The following ODAD1 variants were observed in gnomAD, a reference collection of about 807,000 sequenced individuals.
ODAD1 encodes the protein outer dynein arm docking complex subunit 1, also known as outer dynein arm-docking complex subunit 1.
In ODAD1, 49 loss-of-function variants were observed where a neutral mutation model predicts 67.2. The observed-to-expected ratio is 0.73, with a 90% CI of 0.58 to 0.92. The LOEUF is 0.92. Among genes scored for constraint, ODAD1 ranks in the 40% least tolerant of loss-of-function variants. The pLI is 0.00. For missense variants in ODAD1, 897 were observed against 953.7 expected, an observed-to-expected ratio of 0.94 and a Z score of 0.78; for synonymous variants, 345 against 393.7, an observed-to-expected ratio of 0.88 and a Z score of 1.46.
Position 48,321,674 on chromosome 19 carries a change from G to C in ODAD1, c.-64+4C>G. 1 of 390,726 alleles carries C rather than the reference G, an allele frequency of 2.6e-6. No homozygotes were observed. The highest frequency in any genetic ancestry group is 4.5e-6 in the Non-Finnish European group (1 of 221,132). 24.2% of individuals were successfully genotyped at this position (390,726 alleles called of 1,614,324 possible). A position where few individuals can be genotyped will look rare whatever the true frequency, so the allele number is the denominator to read the frequency against. The stretch of plus-strand genomic sequence containing the variant: ...GGAGGTCGAGGCTGAGGTCTCACTA[G>C]TACCGCGGGCCTGGAAGCGGCGGGA... On this transcript the variant is annotated splice_donor_region_variant and intron_variant, in intron 1 of 15. Transcript: ENST00000674294.
rs1231909280 is a variant in ODAD1 at position 48,315,403 on chromosome 19, G to A, written c.360+2984C>T. Among the ~76,000 whole-genome samples the A allele has an allele frequency of 2.6e-5, 4 of 152,242 alleles. No individual in the cohort carries two copies. The South Asian group carries it at 8.3e-4, about 32-fold the overall frequency. On this transcript the variant is annotated intron_variant, in intron 5 of 15. Coordinates refer to ENST00000674294, the MANE Select transcript of ODAD1 (RefSeq NM_001364171.2). ...CTACTAAAAATACAAAATTAGCCAG[G>A]CATCGTGGCAGGCACCCGTAGTCCC...
At chr19:48,313,006 CAG>C (rs1378265676) in intron 5 of ODAD1, among the ~76,000 whole-genome samples, 7 of 152,178 alleles carry the variant, frequency 4.6e-5, no homozygotes, top group Non-Finnish European at 8.8e-5. Flanking sequence ...CATGAGGACA[CAG>C]AGTCTTGTGT....
rs1168144253 is a variant in ODAD1 at position 48,318,499 on chromosome 19, C to T, written c.248G>A (p.Arg83Gln). 9.7e-6 allele frequency: 15 copies of T among 1,551,640 alleles called. No homozygotes were observed. The highest frequency in any genetic ancestry group is 5.9e-5 in the Admixed American group (3 of 50,974). ...QISAAQNQVK[R>Q]LRDSQRLENM... The stretch of plus-strand genomic sequence containing the variant: ...CTCCAGCCGCTGACTGTCCCGAAGC[C>T]GCTTGACCTGGTTCTGGGCTGCGCT... The change falls in exon 5 of 16, where the codon CGG (arginine) becomes CAG (glutamine). Residue 83 changes from arginine (R) to glutamine (Q), a missense_variant. By Grantham distance (43) the Arg-to-Gln change is conservative (BLOSUM62 1). Coordinates refer to ENST00000674294, the MANE Select transcript of ODAD1 (RefSeq NM_001364171.2).
rs147527014 is a variant in ODAD1 at position 48,297,211 on chromosome 19, G to A, written c.1889C>T (p.Ala630Val). The change falls in exon 16 of 16, where the codon GCC becomes GTC. Residue 630 changes from alanine (A) to valine (V), a missense_variant. Transcript: ENST00000674294. The stretch of plus-strand genomic sequence containing the variant: ...GAAGGTCACGTGGCCCCCACTCGAG[G>A]CACTGGTGGAGCCGAAGGTCACGTG... Reference protein sequence around the residue: ...TGHVTFGSTSASSGGHVTFRP... With the variant: ...TGHVTFGSTSVSSGGHVTFRP... 49 of 1,614,026 alleles carry A rather than the reference G, an allele frequency of 3.0e-5. No individual in the cohort carries two copies. Among genetic ancestry groups the A allele is most frequent in the African/African-American group, 4.0e-5 (3 of 74,940 alleles).
chr19:48,314,858 T>C lies in ODAD1; in HGVS notation c.361-2742A>G, dbSNP rs907609211. The stretch of plus-strand genomic sequence containing the variant: ...CGGGTGGCTGAAGCACGAGAATCAC[T>C]TGAGCCTGGCCTGGGAGGTGGAGGC... On this transcript the variant is annotated intron_variant, in intron 5 of 15. Coordinates refer to ENST00000674294, the MANE Select transcript of ODAD1 (RefSeq NM_001364171.2). Among the ~76,000 whole-genome samples, 41 of 151,832 alleles carry C rather than the reference T, an allele frequency of 2.7e-4. 1 individual carries two copies. The highest frequency in any genetic ancestry group is 9.7e-4 in the African/African-American group (40 of 41,384).
intron 10 of ODAD1, 140 bp downstream of exon 10, chr19:48,303,510 C>T (rs566799494): frequency 2.5e-4 from 256 of 1,021,856 alleles, no homozygotes; most frequent in African/African-American, 2.4e-3. Context: ...TGGACGCGGG[C>T]GGCGGGTCCC....
chr19:48,312,371 A>G (rs1257289987), intron 5 of ODAD1, among the ~76,000 whole-genome samples: 2 of 142,132 alleles, frequency 1.4e-5, no homozygotes, highest in Non-Finnish European at 3.0e-5. Context: ...TGGGAATGTG[A>G]CCCCATGGAG....
Position 48,298,364 on chromosome 19 carries a change from C to T in ODAD1, c.1241-24G>A, listed in dbSNP as rs755803759. 32 of 1,612,184 alleles carry T rather than the reference C, an allele frequency of 2.0e-5. No individual in the cohort carries two copies. The South Asian group carries it at 3.5e-4, about 18-fold the overall frequency. On this transcript the variant is annotated intron_variant, in intron 12 of 15. Coordinates refer to ENST00000674294, the MANE Select transcript of ODAD1 (RefSeq NM_001364171.2). ...ATCTGCGTCATGGAGGGCCGGTTGT[C>T]AGGGATCTGGCACCGCCAGCTGGGT... is the stretch of plus-strand genomic sequence containing the variant.
At chr19:48,311,725 C>T in intron 6 of ODAD1, 59 bp from the exon 7 acceptor site, 3 of 1,025,114 alleles carry the variant, frequency 2.9e-6, no homozygotes, top group East Asian at 2.6e-5. Context: ...CTGCCTCCTC[C>T]AAGCTCAGCC....
In ODAD1 at chr19:48,297,295, AG is replaced by A. The variant is rs1372587039; in HGVS notation, c.1804del (p.Leu602SerfsTer22). Reference protein sequence around the residue: ...GSLGHVTFGGLSSSTGHLPSH... With the variant: ...GSLGHVTFGGXSSSTGHLPSH... ...GGGCAAATGCCCAGTGCTGGAGCTGAGGCCGCCAAAAGTGACGTGGCCAAGA... is the reference window on the plus strand; with the variant it reads ...GGGCAAATGCCCAGTGCTGGAGCTGAGCCGCCAAAAGTGACGTGGCCAAGA... On this transcript the variant is annotated frameshift_variant, in exon 16 of 16. Transcript: ENST00000674294. LOFTEE classifies it low-confidence loss of function (END_TRUNC). 1.2e-6 allele frequency: 2 copies of A among 1,613,892 alleles called. No homozygotes were observed. The highest frequency in any genetic ancestry group is 1.7e-6 in the Non-Finnish European group (2 of 1,180,008).
Position 48,297,363 on chromosome 19 carries a change from G to A in ODAD1, c.1737C>T (p.Pro579=), listed in dbSNP as rs13346323. The part of the protein sequence containing the change: ...LVPTRHPHAI[P]GSILSHKTSR... ...TAGTCTTGTGGCTCAAAATGGACCC[G>A]GGGATGGCATGGGGGTGCCTGGTGG... The change falls in exon 16 of 16, where the codon CCC becomes CCT. Residue 579 remains proline (P), a synonymous_variant. Coordinates refer to ENST00000674294, the MANE Select transcript of ODAD1 (RefSeq NM_001364171.2). The A allele has an allele frequency of 2.9e-3, 4,714 of 1,610,012 alleles. 114 individuals carry two copies. In the African/African-American group the frequency reaches 0.056, roughly 19 times the overall value.
intron 5 of ODAD1, among the ~76,000 whole-genome samples, chr19:48,314,653 A>T (rs895295408): frequency 6.6e-6 from 1 of 152,044 alleles, no homozygotes; most frequent in African/African-American, 2.4e-5. Context: ...CCAAATACCC[A>T]ATTGTTGGTG....
chr19:48,321,396 G>A (rs1337264973), intron 1 of ODAD1: 1 of 164,176 alleles, frequency 6.1e-6, no homozygotes, highest in Non-Finnish European at 1.3e-5. Context: ...GGGCGGGGCT[G>A]AGACCTGTGA....
rs1291428185 is a variant in ODAD1, at chr19:48,313,448, C to CAAAAAAAAAAAAAAAA, written c.361-1333_361-1332insTTTTTTTTTTTTTTTT. Among the ~76,000 whole-genome samples the CAAAAAAAAAAAAAAAA allele has an allele frequency of 1.0e-4, 9 of 86,922 alleles. 1 individual carries two copies. Among genetic ancestry groups the CAAAAAAAAAAAAAAAA allele is most frequent in the African/African-American group, 4.1e-4 (8 of 19,488 alleles). 57.0% of individuals were successfully genotyped at this position (86,922 alleles called of 152,430 possible). ...TCTCAAAAAAAAAAAAAAAAAAAAC[C>CAAAAAAAAAAAAAAAA]AAAAAAAAACCTCACATGTTGAAGT... On this transcript the variant is annotated intron_variant, in intron 5 of 15. Coordinates refer to ENST00000674294, the MANE Select transcript of ODAD1 (RefSeq NM_001364171.2).
chr19:48,320,211 TCTCC>T, intron 3 of ODAD1, 84 bp downstream of exon 3: 2 of 936,204 alleles, frequency 2.1e-6, no homozygotes, highest in Non-Finnish European at 2.9e-6. Flanking sequence ...GGACAGACAC[TCTCC>T]CTCCCTCCCT....
intron 12 of ODAD1, 137 bp from the exon 13 acceptor site, chr19:48,298,477 C>T: frequency 1.2e-6 from 1 of 820,290 alleles, no homozygotes; most frequent in Non-Finnish European, 1.9e-6. Context: ...GTCACCCGAG[C>T]TCAGCCAGCC....
At chr19:48,307,810 G>A (rs1227570207) in intron 7 of ODAD1, among the ~76,000 whole-genome samples, 5 of 140,184 alleles carry the variant, frequency 3.6e-5, no homozygotes, top group South Asian at 2.2e-4. Context: ...GTGACAAAGC[G>A]AGACTCCGTC....
At position 48,297,290 on chromosome 19, in the gene ODAD1, A is replaced by G; in HGVS notation, c.1810T>C (p.Ser604Pro). 1.2e-6 allele frequency: 2 copies of G among 1,613,902 alleles called. No homozygotes were observed. Among genetic ancestry groups the G allele is most frequent in the Non-Finnish European group, 1.7e-6 (2 of 1,180,008 alleles). Residue 604 changes from serine to proline, a missense_variant, in exon 16 of 16, where the codon TCC becomes CCC. Physicochemically the swap from Ser to Pro is moderately conservative, Grantham distance 74 (BLOSUM62 -1). Coordinates refer to ENST00000674294, the MANE Select transcript of ODAD1 (RefSeq NM_001364171.2). ...LGHVTFGGLS[S>P]STGHLPSHIT... ...TGGCTGGGCAAATGCCCAGTGCTGG[A>G]GCTGAGGCCGCCAAAAGTGACGTGG...
Position 48,311,578 on chromosome 19 carries a change from A to G in ODAD1, c.572T>C (p.Leu191Pro), listed in dbSNP as rs1968764329. Residue 191 changes from leucine (L) to proline (P), a missense_variant, in exon 7 of 16, where the codon CTG becomes CCG. Coordinates refer to ENST00000674294, the MANE Select transcript of ODAD1 (RefSeq NM_001364171.2). ...CTTCTTCAGCTTGCGGTCCACGTTC[A>G]GATAGCGGTTCCTGTCGATCCGCAG... ...DLLRIDRNRY[L>P]NVDRKLKKEI... 12 of 1,550,448 alleles carry G rather than the reference A, an allele frequency of 7.7e-6. No individual in the cohort carries two copies. Among genetic ancestry groups the G allele is most frequent in the Non-Finnish European group, 1.0e-5 (12 of 1,145,970 alleles).
Sources: allele counts gnomAD v4.1 joint callset (sites outside exome capture counted in the v4.1 genomes callset), GRCh38; gene constraint gnomAD v4.1.1; transcripts MANE v1.5; gene names NCBI Gene and HGNC (gene_info 2026-07-23, HGNC 2026-07-21).